ZNF667: variants seen among roughly 807,000 people sequenced by gnomAD.
The protein encoded by ZNF667 is myocardial ischemic preconditioning upregulated 1 ortholog.
In ZNF667, 13 loss-of-function variants were observed where a neutral mutation model predicts 31.8. The observed-to-expected ratio is 0.41, with a 90% CI of 0.27 to 0.65. ZNF667 has a LOEUF of 0.65. Ranked by LOEUF, ZNF667 falls within the 30% of genes least tolerant of loss-of-function variation. The probability of loss-of-function intolerance (pLI) is 0.32; values close to 1 mark genes in which losing one functional copy is unlikely to be tolerated. For missense variants in ZNF667, 642 were observed against 725.6 expected, an observed-to-expected ratio of 0.88 and a Z score of 1.32; for synonymous variants, 228 against 247.1, an observed-to-expected ratio of 0.92 and a Z score of 0.73.
chr19:56,463,025 G>A (rs536632550), intron 3 of ZNF667, among the ~76,000 whole-genome samples: 3 of 152,164 alleles, frequency 2.0e-5, no homozygotes, highest in East Asian at 1.9e-4. Flanking sequence ...ATGGGTGGGC[G>A]CAGGCTAGGT....
intron 6 of ZNF667, among the ~76,000 whole-genome samples, chr19:56,444,466 C>T (rs1223488826): frequency 1.3e-5 from 2 of 152,152 alleles, no homozygotes; most frequent in African/African-American, 2.4e-5. Flanking sequence ...ATGATCCAAT[C>T]ACCTCCCACA....
chr19:56,440,560 T>G lies in ZNF667; in HGVS notation c.*602A>C, dbSNP rs769155628. 67 of 971,852 alleles carry G rather than the reference T, an allele frequency of 6.9e-5. No homozygotes were observed. The highest frequency in any genetic ancestry group is 7.7e-5 in the Non-Finnish European group (63 of 817,592). 60.2% of individuals were successfully genotyped at this position (971,852 alleles called of 1,614,324 possible). On this transcript the variant is annotated 3_prime_UTR_variant, in exon 7 of 7. Transcript: ENST00000504904. ...ACCTTAAATCAGGCTCAGAGCCCTA[T>G]AATGGACTTCACAATTCTATTTTGT...
At chr19:56,450,861 A>G (rs532084617) in intron 6 of ZNF667, among the ~76,000 whole-genome samples, 1 of 152,324 alleles carries the variant, frequency 6.6e-6, no homozygotes, top group South Asian at 2.1e-4. Flanking sequence ...TCAAATAAAA[A>G]ATATGTAAGA....
Position 56,441,503 on chromosome 19 carries a change from G to T in ZNF667, c.1492C>A (p.Pro498Thr), listed in dbSNP as rs980588592. Residue 498 changes from proline to threonine, a missense_variant, in exon 7 of 7, where the codon CCC becomes ACC. Pro to Thr is a conservative substitution (Grantham distance 38). Transcript: ENST00000504904. The surrounding 1 kb of genome is among the most constrained non-coding windows in gnomAD (Gnocchi z 4.2). ...RHKRIHTEDR[P>T]YECDQCGKAF... is the part of the protein sequence containing the mutation. ...TTCCCACACTGATCACATTCATAGG[G>T]TCTATCTTCAGTATGAATTCTCTTA... The T allele has an allele frequency of 1.2e-6, 2 of 1,614,186 alleles. No individual in the cohort carries two copies.
rs939578387 is a variant in ZNF667 at position 56,459,731 on chromosome 19, T to C, written c.160+958A>G. Reference sequence around the variant, plus strand: ...AAAGAGGGCTGAGTGCGGTGGCTCATGCCTGTAATCCCAGCACTTTGGGAG... The same window carrying C: ...AAAGAGGGCTGAGTGCGGTGGCTCACGCCTGTAATCCCAGCACTTTGGGAG... On this transcript the variant is annotated intron_variant, in intron 5 of 6. Transcript: ENST00000504904. Among the ~76,000 whole-genome samples the C allele has an allele frequency of 9.8e-5, 15 of 152,306 alleles. No individual in the cohort carries two copies. In the South Asian group the frequency reaches 2.1e-3, roughly 21 times the overall value.
intron 6 of ZNF667, among the ~76,000 whole-genome samples, chr19:56,447,250 T>C (rs2042726697): frequency 6.6e-6 from 1 of 152,100 alleles, no homozygotes; most frequent in South Asian, 2.1e-4. Flanking sequence ...TGTAATGTCA[T>C]ATGGTTAATG....
intron 6 of ZNF667, among the ~76,000 whole-genome samples, chr19:56,452,859 C>G (rs2042861762): frequency 6.6e-6 from 1 of 150,848 alleles, no homozygotes; most frequent in African/African-American, 2.4e-5. Flanking sequence ...GTGGAGGTTG[C>G]AGTGAGCCGA....
chr19:56,476,980 C>G (rs1353834491), intron 1 of ZNF667: 1 of 152,732 alleles, frequency 6.5e-6, no homozygotes, highest in Non-Finnish European at 1.5e-5. Context: ...TCCGCGGTCC[C>G]GACATAGCTC....
rs531582761 is a variant in ZNF667, at chr19:56,465,061, AT to A, written c.-59-2633del. ...GTTAACATTTTTCCTACCCTTTTTT[AT>A]AAAAAGGCAGTTGTCTGAAAGTTGT... On this transcript the variant is annotated intron_variant, in intron 3 of 6. Coordinates refer to ENST00000504904, the MANE Select transcript of ZNF667 (RefSeq NM_001321356.2). Among the ~76,000 whole-genome samples, 5 of 152,316 alleles carry A rather than the reference AT, an allele frequency of 3.3e-5. No individual in the cohort carries two copies. The East Asian group carries it at 9.6e-4, about 29-fold the overall frequency.
chr19:56,477,373 G>GCACCCCCCTTCACACACGCAC (rs2043437954), upstream of ZNF667: 1 of 151,100 alleles, frequency 6.6e-6, no homozygotes, highest in African/African-American at 2.4e-5. Context: ...ACCGCGCGCT[G>GCACCCCCCTTCACACACGCAC]CACCCCCCTT....
At chr19:56,463,216 C>G (rs2043087544) in intron 3 of ZNF667, among the ~76,000 whole-genome samples, 1 of 152,056 alleles carries the variant, frequency 6.6e-6, no homozygotes, top group Non-Finnish European at 1.5e-5. Flanking sequence ...CAACATTTAA[C>G]AAAAATTTGT....
intron 6 of ZNF667, among the ~76,000 whole-genome samples, chr19:56,451,080 T>C (rs2042812072): frequency 6.6e-6 from 1 of 151,510 alleles, no homozygotes; most frequent in Non-Finnish European, 1.5e-5. Context: ...CTGTTCCCTA[T>C]AAGAAACATG....
intron 3 of ZNF667, among the ~76,000 whole-genome samples, chr19:56,462,760 G>C (rs1198362986): frequency 6.6e-6 from 1 of 152,222 alleles, no homozygotes. Context: ...AGAGCAGTGA[G>C]TTAAAGTGGA....
chr19:56,466,392 G>A (rs754639146), intron 3 of ZNF667, among the ~76,000 whole-genome samples: 4 of 152,098 alleles, frequency 2.6e-5, no homozygotes, highest in Admixed American at 6.5e-5. Flanking sequence ...AGGATCCAGC[G>A]AACAGTCATT....
At chr19:56,445,943 G>T (rs1218627609) in intron 6 of ZNF667, among the ~76,000 whole-genome samples, 1 of 142,916 alleles carries the variant, frequency 7.0e-6, no homozygotes, top group African/African-American at 2.6e-5. Context: ...GATTTGGTGA[G>T]AAATCCACCC....
chr19:56,450,061 G>A (rs2042788848), intron 6 of ZNF667, among the ~76,000 whole-genome samples: 3 of 151,922 alleles, frequency 2.0e-5, no homozygotes, highest in Admixed American at 6.6e-5. Context: ...AGTGTATTCC[G>A]AGATAGTAAC....
intron 6 of ZNF667, among the ~76,000 whole-genome samples, chr19:56,456,301 C>G (rs1281659939): frequency 6.6e-6 from 1 of 152,094 alleles, no homozygotes; most frequent in Non-Finnish European, 1.5e-5. Context: ...TTTATTACAG[C>G]AAAAGGATTC....
chr19:56,455,550 T>A (rs1023009333), intron 6 of ZNF667, among the ~76,000 whole-genome samples: 1 of 152,172 alleles, frequency 6.6e-6, no homozygotes, highest in Non-Finnish European at 1.5e-5. Flanking sequence ...TCTCACTCAT[T>A]TGTGGGAGCT....
chr19:56,455,431 G>C (rs999450018), intron 6 of ZNF667, among the ~76,000 whole-genome samples: 10 of 152,140 alleles, frequency 6.6e-5, no homozygotes, highest in Middle Eastern at 3.2e-3. Context: ...TCATGCAGTA[G>C]TATTTAGCCA....
Sources: gnomAD v4.1 joint callset for allele counts (sites outside exome capture counted in the v4.1 genomes callset) on GRCh38, gnomAD v4.1.1 for gene constraint, Gnocchi (gnomAD v3.1) non-coding constraint, MANE v1.5 for transcripts, NCBI Gene and HGNC (gene_info 2026-07-23, HGNC 2026-07-21) for gene names.